The following LMX1B variants were observed in gnomAD, a reference collection of about 807,000 sequenced individuals.
LMX1B encodes the protein LIM homeobox transcription factor 1 beta.
Under a neutral mutation model 51.4 loss-of-function variants are expected in LMX1B, and 12 were observed. The ratio of observed to expected loss-of-function variants is 0.23; its 90% CI spans 0.15 to 0.38. The LOEUF (loss-of-function observed/expected upper bound fraction) is 0.38. LMX1B is among the 10% of genes least tolerant of loss of function. LMX1B has a pLI of 1.00. For missense variants in LMX1B, 445 were observed against 571.1 expected, an observed-to-expected ratio of 0.78 and a Z score of 2.25; for synonymous variants, 237 against 235.4, an observed-to-expected ratio of 1.01 and a Z score of -0.06.
chr9:126,640,244 G>C (rs1835784764), intron 2 of LMX1B, among the ~76,000 whole-genome samples: 2 of 152,196 alleles, frequency 1.3e-5, no homozygotes, highest in African/African-American at 2.4e-5. Context: ...GCTGAGGTGT[G>C]GGGGTGCTGG....
chr9:126,694,213 A>G (rs766114099), intron 6 of LMX1B, among the ~76,000 whole-genome samples: 3 of 151,866 alleles, frequency 2.0e-5, no homozygotes, highest in Non-Finnish European at 4.4e-5. Flanking sequence ...CCTTCAGCAC[A>G]CCCCATCTCA....
In LMX1B at chr9:126,658,654, GGAAGGCCCCC is replaced by G. The variant is rs1251016222; in HGVS notation, c.327-32178_327-32169del. Among the ~76,000 whole-genome samples the G allele has an allele frequency of 6.6e-6, 1 of 152,232 alleles. No homozygotes were observed. Among genetic ancestry groups the G allele is most frequent in the East Asian group, 1.9e-4 (1 of 5,202 alleles). On this transcript the variant is annotated intron_variant, in intron 2 of 7. Transcript: ENST00000373474. The surrounding 1 kb of genome is among the most constrained non-coding windows in gnomAD (Gnocchi z 4.0). The stretch of plus-strand genomic sequence containing the variant: ...TATTACCTTGTCATAAATAGTTAGG[GGAAGGCCCCC>G]GAACGAGGCAGCTTTATAAATGGCT...
At chr9:126,616,457 G>T (rs544898538) in intron 2 of LMX1B, among the ~76,000 whole-genome samples, 17 of 152,260 alleles carry the variant, frequency 1.1e-4, no homozygotes, top group African/African-American at 4.1e-4. Flanking sequence ...TGACCTCCTG[G>T]GTTTTCTGCC....
At chr9:126,687,015 G>A (rs2029920455) in intron 2 of LMX1B, among the ~76,000 whole-genome samples, 1 of 152,142 alleles carries the variant, frequency 6.6e-6, no homozygotes, top group Non-Finnish European at 1.5e-5. Flanking sequence ...GTGGGGCCCT[G>A]TAAACCCAGT....
chr9:126,642,024 C>G (rs555661490), intron 2 of LMX1B, among the ~76,000 whole-genome samples: 1 of 152,290 alleles, frequency 6.6e-6, no homozygotes, highest in South Asian at 2.1e-4. Context: ...CCAACAACCC[C>G]TTCGAAGCCC....
chr9:126,637,132 C>T (rs1317078258), intron 2 of LMX1B, among the ~76,000 whole-genome samples: 8 of 152,244 alleles, frequency 5.3e-5, no homozygotes, highest in Non-Finnish European at 1.2e-4. Flanking sequence ...GCATACCTGC[C>T]TTACTCACTG....
At chr9:126,663,902 G>C (rs1166972591) in intron 2 of LMX1B, among the ~76,000 whole-genome samples, 1 of 152,228 alleles carries the variant, frequency 6.6e-6, no homozygotes, top group Non-Finnish European at 1.5e-5. Context: ...GGGGAATCCC[G>C]GGGGCCTCTC....
intron 2 of LMX1B, among the ~76,000 whole-genome samples, chr9:126,627,431 C>T (rs4240414): frequency 0.96 from 145,690 of 151,872 alleles, 70,188 homozygotes; most frequent in East Asian, 1. Flanking sequence ...GGGACTCTTC[C>T]ATTTTCTCCC....
chr9:126,684,094 C>G (rs1361257797), intron 2 of LMX1B, among the ~76,000 whole-genome samples: 1 of 151,944 alleles, frequency 6.6e-6, no homozygotes, highest in Admixed American at 6.6e-5. Flanking sequence ...AGGGTGTAGC[C>G]GGTGGGAACA....
intron 2 of LMX1B, among the ~76,000 whole-genome samples, chr9:126,687,950 TC>T (rs1031785510): frequency 6.6e-6 from 1 of 152,184 alleles, no homozygotes; most frequent in African/African-American, 2.4e-5. Context: ...ACGCCATTAG[TC>T]GCTCTCACCC....
intron 2 of LMX1B, among the ~76,000 whole-genome samples, chr9:126,652,128 G>A: frequency 6.6e-6 from 1 of 152,114 alleles, no homozygotes; most frequent in Non-Finnish European, 1.5e-5. Context: ...GCCCGGCTTG[G>A]CTGCCTGAGG....
intron 2 of LMX1B, among the ~76,000 whole-genome samples, chr9:126,679,560 A>G (rs139179140): frequency 1.5e-3 from 235 of 152,026 alleles, no homozygotes; most frequent in African/African-American, 5.4e-3. Context: ...GAGTGGATGT[A>G]TGGGTGGATG....
At chr9:126,621,523 G>C (rs1835408881) in intron 2 of LMX1B, among the ~76,000 whole-genome samples, 1 of 152,176 alleles carries the variant, frequency 6.6e-6, no homozygotes. Flanking sequence ...AAGCAAAGTG[G>C]CAGACGTTTG....
intron 2 of LMX1B, among the ~76,000 whole-genome samples, chr9:126,659,258 G>C (rs1465493563): frequency 6.6e-6 from 1 of 152,232 alleles, no homozygotes; most frequent in African/African-American, 2.4e-5. Context: ...TGCTGGGCAG[G>C]TGGTGAGGAG....
chr9:126,683,282 C>A (rs994668327), intron 2 of LMX1B, among the ~76,000 whole-genome samples: 4 of 151,466 alleles, frequency 2.6e-5, no homozygotes, highest in African/African-American at 4.8e-5. Context: ...CCGGGGCCCC[C>A]GCCCGCGGCT....
chr9:126,665,825 C>T (rs923209675), intron 2 of LMX1B, among the ~76,000 whole-genome samples: 1 of 152,250 alleles, frequency 6.6e-6, no homozygotes, highest in Non-Finnish European at 1.5e-5. Flanking sequence ...AGCTGTGTCC[C>T]TCTGCATGGA....
intron 2 of LMX1B, among the ~76,000 whole-genome samples, chr9:126,664,548 G>A (rs1212911074): frequency 2.0e-5 from 3 of 152,238 alleles, no homozygotes; most frequent in African/African-American, 4.8e-5. Flanking sequence ...ACATGTCACA[G>A]AGATAGCGCA....
chr9:126,696,219 A>G, intron 7 of LMX1B, 75 bp from the exon 8 acceptor site: 1 of 1,440,666 alleles, frequency 6.9e-7, no homozygotes, highest in Non-Finnish European at 9.8e-7. Context: ...CCAGTCACAC[A>G]GCCTACAGGG....
At chr9:126,629,196 A>C (rs1482715547) in intron 2 of LMX1B, among the ~76,000 whole-genome samples, 1 of 152,112 alleles carries the variant, frequency 6.6e-6, no homozygotes, top group African/African-American at 2.4e-5. Flanking sequence ...TCCATTCTGC[A>C]CGGTACTTGG....
Sources: gnomAD v4.1 joint callset for allele counts (sites outside exome capture counted in the v4.1 genomes callset) on GRCh38, gnomAD v4.1.1 for gene constraint, Gnocchi (gnomAD v3.1) non-coding constraint, MANE v1.5 for transcripts, NCBI Gene and HGNC (gene_info 2026-07-23, HGNC 2026-07-21) for gene names.